The following SUPT6H variants were observed in gnomAD, a reference collection of about 807,000 sequenced individuals.
The protein encoded by SUPT6H is SPT6 homolog, histone chaperone and transcription elongation factor.
SUPT6H carries 11 observed loss-of-function variants against 222.3 expected under a neutral mutation model. That is an observed-to-expected ratio of 0.05 (90% confidence interval 0.03 to 0.08). The LOEUF (loss-of-function observed/expected upper bound fraction) is 0.08, where lower values mean the gene tolerates loss of function less well. Among genes scored for constraint, SUPT6H ranks in the 10% least tolerant of loss-of-function variants. SUPT6H has a pLI of 1.00. For missense variants in SUPT6H, 1,422 were observed against 2,216.0 expected (o/e 0.64, Z 7.19); for synonymous variants, 762 against 801.2 (o/e 0.95, Z 0.83).
Position 28,697,746 on chromosome 17 carries a change from C to T in SUPT6H, c.4323+13C>T. The T allele has an allele frequency of 1.2e-6, 2 of 1,613,062 alleles. No homozygotes were observed. The highest frequency in any genetic ancestry group is 1.7e-6 in the Non-Finnish European group (2 of 1,179,056). On this transcript the variant is annotated intron_variant, in intron 31 of 36. Coordinates refer to ENST00000314616, the MANE Select transcript of SUPT6H (RefSeq NM_003170.5). ...TGGGGACCGCAAGGTAAGCCCAGGG[C>T]CCTCTGAGGAATGACACTTGCCAAT...
intron 7 of SUPT6H, among the ~76,000 whole-genome samples, chr17:28,677,351 C>G (rs2030812374): frequency 6.6e-6 from 1 of 151,842 alleles, no homozygotes. Flanking sequence ...CCATTGCACT[C>G]CAGCCTGGGC....
chr17:28,674,942 C>T (rs766360909), intron 4 of SUPT6H, 28 bp from the exon 5 acceptor site: 17 of 1,608,362 alleles, frequency 1.1e-5, no homozygotes, highest in Non-Finnish European at 1.4e-5. Flanking sequence ...TCCTCAGATC[C>T]TGATAAGGCA....
chr17:28,678,309 A>T, intron 9 of SUPT6H, 117 bp downstream of exon 9: 2 of 976,992 alleles, frequency 2.0e-6, no homozygotes, highest in South Asian at 1.4e-5. Context: ...CCATGACTCA[A>T]CAAGTGTTAG....
At position 28,675,504 on chromosome 17, in the gene SUPT6H, A is replaced by C; in HGVS notation, c.623+19A>C. ...CAGACGCGTGAGTGGGGTCTGGTAC[A>C]AGGTGGGGATAAAGTGATTGAGTGG... On this transcript the variant is annotated intron_variant, in intron 6 of 36. Coordinates refer to ENST00000314616, the MANE Select transcript of SUPT6H (RefSeq NM_003170.5). The C allele has an allele frequency of 6.2e-7, 1 of 1,613,650 alleles. No homozygotes were observed.
intron 26 of SUPT6H, among the ~76,000 whole-genome samples, chr17:28,690,637 G>C (rs950209786): frequency 6.6e-6 from 1 of 152,154 alleles, no homozygotes; most frequent in Non-Finnish European, 1.5e-5. Flanking sequence ...AGCTGAGCGT[G>C]GTGGTGGGCA....
chr17:28,681,039 C>G (rs537710508), intron 11 of SUPT6H: 403 of 499,270 alleles, frequency 8.1e-4, no homozygotes, highest in Non-Finnish European at 1.2e-3. Context: ...CAGCCTCAAC[C>G]GCCCGGGTTC....
In SUPT6H at chr17:28,682,758, C is replaced by G. The variant is rs146677116; in HGVS notation, c.1629C>G (p.Pro543=). 1.9e-6 allele frequency: 3 copies of G among 1,614,204 alleles called. No homozygotes were observed. In the Admixed American group the frequency reaches 5.0e-5, roughly 27 times the overall value. Residue 543 remains proline (P), a synonymous_variant, in exon 14 of 37, where the codon CCC becomes CCG. Transcript: ENST00000314616. The part of the protein sequence containing the change: ...DGLAKKFGLT[P]EQFGENLRDS... ...TGGCCAAAAAGTTTGGGCTTACTCC[C>G]GAGCAGTTTGGGGAGAACCTGCGGG...
intron 16 of SUPT6H, 55 bp downstream of exon 16, chr17:28,683,477 G>T: frequency 6.2e-7 from 1 of 1,605,506 alleles, no homozygotes; most frequent in Non-Finnish European, 8.5e-7. Flanking sequence ...GAGGAGTCTG[G>T]TGGAGGGAAG....
chr17:28,693,668 C>G, intron 27 of SUPT6H, 28 bp from the exon 28 acceptor site: 1 of 1,613,722 alleles, frequency 6.2e-7, no homozygotes, highest in Non-Finnish European at 8.5e-7. Flanking sequence ...TATTGATAAT[C>G]AAGCTCTTCT....
Position 28,678,197 on chromosome 17 carries a change from C to T in SUPT6H, c.1116+5C>T. The T allele has an allele frequency of 6.2e-7, 1 of 1,602,594 alleles. No homozygotes were observed. Among genetic ancestry groups the T allele is most frequent in the Non-Finnish European group, 8.5e-7 (1 of 1,172,234 alleles). On this transcript the variant is annotated splice_donor_5th_base_variant and intron_variant, in intron 9 of 36. Coordinates refer to ENST00000314616, the MANE Select transcript of SUPT6H (RefSeq NM_003170.5). ...ATGCGAAATCAGCATTTTGAGGTAACACCTCAAGCTCTGGTGGCCCATTGG... is the reference window on the plus strand; with the variant it reads ...ATGCGAAATCAGCATTTTGAGGTAATACCTCAAGCTCTGGTGGCCCATTGG...
chr17:28,698,948 C>T (rs911327693), intron 32 of SUPT6H, among the ~76,000 whole-genome samples: 2 of 145,368 alleles, frequency 1.4e-5, no homozygotes, highest in South Asian at 2.2e-4. Flanking sequence ...AAACTGGTGG[C>T]GGGGGTGGGG....
In SUPT6H at chr17:28,691,175, T is replaced by C. The variant is rs1293519072; in HGVS notation, c.3633+112T>C. On this transcript the variant is annotated intron_variant, in intron 27 of 36. Transcript: ENST00000314616. ...CTAGATCATTCTCTCACCAAACAAG[T>C]ACACAAAGAAGGAAGACGGACGGGA... 13 of 1,375,492 alleles carry C rather than the reference T, an allele frequency of 9.5e-6. 1 individual carries two copies. In the East Asian group the frequency reaches 3.3e-4, roughly 35 times the overall value. 85.2% of individuals were successfully genotyped at this position (1,375,492 alleles called of 1,614,324 possible). A position where few individuals can be genotyped will look rare whatever the true frequency, so the allele number is the denominator to read the frequency against.
intron 11 of SUPT6H, among the ~76,000 whole-genome samples, chr17:28,680,360 G>A (rs1233952396): frequency 6.6e-6 from 1 of 151,584 alleles, no homozygotes; most frequent in Non-Finnish European, 1.5e-5. Context: ...CACTTTGGGA[G>A]GCTGAGGTGG....
Position 28,688,092 on chromosome 17 carries a change from T to A in SUPT6H, c.3008T>A (p.Ile1003Asn). The stretch of plus-strand genomic sequence containing the variant: ...GCTCAGTCCAGCTCTCTCCCCCAGA[T>A]CCTGAAGCAGAACAACACCCGGCTC... ...GPRKGTHLLK[I>N]LKQNNTRLES... is the part of the protein sequence containing the mutation. Residue 1003 changes from isoleucine (I) to asparagine (N), a missense_variant and splice_region_variant, in exon 24 of 37, where the codon ATC becomes AAC. This residue lies in a region of SUPT6H where 294 missense variants were observed against 382.1 expected (regional missense o/e 0.77). Coordinates refer to ENST00000314616, the MANE Select transcript of SUPT6H (RefSeq NM_003170.5). The surrounding 1 kb of genome is among the most constrained non-coding windows in gnomAD (Gnocchi z 4.3). The A allele has an allele frequency of 6.2e-7, 1 of 1,611,198 alleles. No individual in the cohort carries two copies. Among genetic ancestry groups the A allele is most frequent in the Non-Finnish European group, 8.5e-7 (1 of 1,178,320 alleles).
intron 27 of SUPT6H, among the ~76,000 whole-genome samples, chr17:28,692,477 A>G (rs2031710751): frequency 6.8e-6 from 1 of 147,366 alleles, no homozygotes; most frequent in East Asian, 2.0e-4. Flanking sequence ...TACTAAAAAT[A>G]TAAGGATTAG....
chr17:28,689,586 G>A (rs753937183), intron 25 of SUPT6H, 25 bp downstream of exon 25: 2 of 1,611,514 alleles, frequency 1.2e-6, no homozygotes, highest in Middle Eastern at 1.9e-4. Context: ...GGAAGGCCCG[G>A]CAGGAGAACC....
In SUPT6H at chr17:28,700,207, A is replaced by G; in HGVS notation, c.4596A>G (p.Thr1532=). ...CTAGCAGCAGCAGCAGGACCCGGACACCTGCCTCTATCAATGCTACCCCAG... is the reference window on the plus strand; with the variant it reads ...CTAGCAGCAGCAGCAGGACCCGGACGCCTGCCTCTATCAATGCTACCCCAG... ...ITPSSSSRTR[T]PASINATPAN... is the part of the protein sequence containing the mutation. The change falls in exon 34 of 37, where the codon ACA becomes ACG. Residue 1532 remains threonine (T), a synonymous_variant. Transcript: ENST00000314616. 3 of 1,612,608 alleles carry G rather than the reference A, an allele frequency of 1.9e-6. No individual in the cohort carries two copies. Among genetic ancestry groups the G allele is most frequent in the Non-Finnish European group, 2.5e-6 (3 of 1,179,634 alleles).
chr17:28,668,199 C>T (rs1181384486), intron 1 of SUPT6H, among the ~76,000 whole-genome samples: 1 of 152,302 alleles, frequency 6.6e-6, no homozygotes, highest in East Asian at 1.9e-4. Flanking sequence ...TAGACCTATT[C>T]CAGTTGCAAA....
chr17:28,697,678 C>T lies in SUPT6H; in HGVS notation c.4268C>T (p.Ala1423Val), dbSNP rs978969138. The T allele has an allele frequency of 1.9e-6, 3 of 1,614,096 alleles. No individual in the cohort carries two copies. In the Admixed American group the frequency reaches 5.0e-5, roughly 27 times the overall value. Residue 1423 changes from alanine to valine, a missense_variant, in exon 31 of 37, where the codon GCC becomes GTC. Coordinates refer to ENST00000314616, the MANE Select transcript of SUPT6H (RefSeq NM_003170.5). ...ARYVQPMASF[A>V]RDLLNHKYYQ... ...TATGTCCAGCCCATGGCATCCTTTG[C>T]CCGGGACCTTCTGAATCACAAGTAT...
Sources: gnomAD v4.1 joint callset for allele counts (sites outside exome capture counted in the v4.1 genomes callset) on GRCh38, gnomAD v4.1.1 for gene constraint, gnomAD v4.1.1 regional missense constraint, Gnocchi (gnomAD v3.1) non-coding constraint, MANE v1.5 for transcripts, NCBI Gene and HGNC (gene_info 2026-07-23, HGNC 2026-07-21) for gene names.